LY75: variants seen among roughly 807,000 people sequenced by gnomAD.
LY75 encodes lymphocyte antigen 75.
Under a neutral mutation model 231.7 loss-of-function variants are expected in LY75, and 185 were observed. The ratio of observed to expected loss-of-function variants is 0.80; its 90% CI spans 0.71 to 0.90. The LOEUF is 0.90. LY75 is among the 40% of genes least tolerant of loss of function. LY75 has a pLI of 0.00. For missense variants in LY75, 1,947 were observed against 2,050.2 expected, an observed-to-expected ratio of 0.95 and a Z score of 0.97; for synonymous variants, 668 against 689.0, an observed-to-expected ratio of 0.97 and a Z score of 0.48.
At chr2:159,893,813 T>C (rs553156699) in intron 3 of LY75, 101 bp downstream of exon 3, 2 of 1,415,498 alleles carry the variant, frequency 1.4e-6, no homozygotes, top group South Asian at 1.4e-5. Flanking sequence ...CGGGATAATA[T>C]TTTTGCAGTC....
At position 159,854,939 on chromosome 2, in the gene LY75, C is replaced by A. The variant is rs1301850652; in HGVS notation, c.2384G>T (p.Gly795Val). 6.2e-7 allele frequency: 1 copy of A among 1,613,638 alleles called. No homozygotes were observed. The highest frequency in any genetic ancestry group is 1.1e-5 in the South Asian group (1 of 91,086). ...CCAGTCTGGTGTTTTTGGAGTACGG[C>A]CTGTATGAGGAAGAAAGCAAGTGGC... Reference protein sequence around the residue: ...KLEWVCQIPKGRTPKTPDWYN... With the variant: ...KLEWVCQIPKVRTPKTPDWYN... The change falls in exon 17 of 35, where the codon GGC (glycine) becomes GTC (valine). Residue 795 changes from glycine (G) to valine (V), a missense_variant and splice_region_variant. By Grantham distance (109) the Gly-to-Val change is moderately radical. Transcript: ENST00000263636.
chr2:159,840,937 G>T lies in LY75; in HGVS notation c.3299C>A (p.Thr1100Lys). ...TACAGTTTCTGAAGCATTCTGCAAC[G>T]TCTGTCTGCTTTTAACTTCTGCATG... ...QKYSEVKSRQ[T>K]LQNASETVKY... The change falls in exon 25 of 35, where the codon ACG becomes AAG. Residue 1100 changes from threonine to lysine, a missense_variant. Coordinates refer to ENST00000263636, the MANE Select transcript of LY75 (RefSeq NM_002349.4). 3.7e-6 allele frequency: 6 copies of T among 1,613,682 alleles called. No homozygotes were observed. Among genetic ancestry groups the T allele is most frequent in the Non-Finnish European group, 5.1e-6 (6 of 1,179,924 alleles).
chr2:159,852,869 T>C (rs1278415538), intron 20 of LY75, among the ~76,000 whole-genome samples: 1 of 152,184 alleles, frequency 6.6e-6, no homozygotes, highest in Non-Finnish European at 1.5e-5. Flanking sequence ...ACCAATACTG[T>C]CTATGAAACA....
At chr2:159,811,225 A>G (rs1297907351) in intron 31 of LY75, among the ~76,000 whole-genome samples, 1 of 152,112 alleles carries the variant, frequency 6.6e-6, no homozygotes, top group Non-Finnish European at 1.5e-5. Context: ...AGTTTTACTT[A>G]GTCATAAGAA....
chr2:159,839,906 T>C (rs1683951171), intron 25 of LY75, among the ~76,000 whole-genome samples: 1 of 148,842 alleles, frequency 6.7e-6, no homozygotes, highest in African/African-American at 2.5e-5. Flanking sequence ...CTGAGGAGGC[T>C]GAAGCATGAG....
chr2:159,816,891 A>T lies in LY75; in HGVS notation c.4295T>A (p.Val1432Asp), dbSNP rs746792746. ...AAAGAGCTGGCCATTTTGGTTGTGAACGCTTGCCAAGTGACCTCCACTTTG... is the reference window on the plus strand; with the variant it reads ...AAAGAGCTGGCCATTTTGGTTGTGATCGCTTGCCAAGTGACCTCCACTTTG... ...CSQSGGHLAS[V>D]HNQNGQLFLE... The change falls in exon 30 of 35, where the codon GTT becomes GAT. Residue 1432 changes from valine to aspartate, a missense_variant. Physicochemically the swap from Val to Asp is radical, Grantham distance 152 (BLOSUM62 -3). Transcript: ENST00000263636. 31 of 1,614,080 alleles carry T rather than the reference A, an allele frequency of 1.9e-5. No homozygotes were observed. The highest frequency in any genetic ancestry group is 2.4e-5 in the Non-Finnish European group (28 of 1,180,030).
intron 13 of LY75, 56 bp from the exon 14 acceptor site, chr2:159,864,976 C>T (rs1473528769): frequency 1.0e-5 from 15 of 1,505,446 alleles, no homozygotes; most frequent in Non-Finnish European, 1.3e-5. Context: ...AAATATTTAG[C>T]ACTCACATGT....
chr2:159,814,689 A>C (rs546979080), intron 31 of LY75, among the ~76,000 whole-genome samples: 4 of 151,242 alleles, frequency 2.6e-5, no homozygotes, highest in African/African-American at 9.7e-5. Flanking sequence ...ATAAGAAAAG[A>C]AAAAAGAAAA....
intron 2 of LY75, among the ~76,000 whole-genome samples, chr2:159,894,381 G>T (rs868141847): frequency 1.3e-5 from 2 of 152,200 alleles, no homozygotes; most frequent in African/African-American, 4.8e-5. Context: ...GTGTGATGAG[G>T]CGCTGAAAGA....
intron 5 of LY75, 48 bp downstream of exon 5, chr2:159,886,372 T>C: frequency 6.7e-7 from 1 of 1,498,878 alleles, no homozygotes; most frequent in South Asian, 1.3e-5. Flanking sequence ...AGCTTTTGCT[T>C]TTTTGAAGAT....
intron 31 of LY75, 48 bp downstream of exon 31, chr2:159,815,357 T>C (rs1299275697): frequency 1.3e-6 from 2 of 1,543,002 alleles, no homozygotes; most frequent in South Asian, 2.5e-5. Context: ...TGTGCATAAA[T>C]TATGTCACAT....
intron 17 of LY75, 138 bp downstream of exon 17, chr2:159,854,766 C>T (rs987515523): frequency 7.6e-6 from 10 of 1,308,864 alleles, no homozygotes; most frequent in Admixed American, 2.2e-5. Flanking sequence ...CCATACCAGT[C>T]GCTCACCTTC....
intron 25 of LY75, among the ~76,000 whole-genome samples, chr2:159,839,559 C>T (rs994766511): frequency 7.9e-5 from 12 of 152,008 alleles, no homozygotes; most frequent in African/African-American, 2.9e-4. Flanking sequence ...CTTAATTTTA[C>T]TTTGCTGAAT....
At position 159,879,139 on chromosome 2, in the gene LY75, T is replaced by G. The variant is rs1685360990; in HGVS notation, c.1515+120A>C. On this transcript the variant is annotated intron_variant, in intron 9 of 34. Coordinates refer to ENST00000263636, the MANE Select transcript of LY75 (RefSeq NM_002349.4). ...GCCTTCTGGCTTGTTCTAACTTAAA[T>G]GAACAGAAGCTAGTAGTTTCCTCTA... 4.3e-6 allele frequency: 5 copies of G among 1,157,592 alleles called. No homozygotes were observed. The Admixed American group carries it at 9.0e-5, about 21-fold the overall frequency. The allele number at this position is 1,157,592 out of a possible 1,614,324, so 71.7% of individuals were successfully genotyped here. A position where few individuals can be genotyped will look rare whatever the true frequency, so the allele number is the denominator to read the frequency against.
chr2:159,850,791 T>TATATATAAAAAA (rs1553805730), intron 21 of LY75, among the ~76,000 whole-genome samples: 1 of 94,510 alleles, frequency 1.1e-5, no homozygotes, highest in African/African-American at 4.0e-5. Context: ...TATATATATA[T>TATATATAAAAAA]ATATATATTA....
intron 28 of LY75, among the ~76,000 whole-genome samples, chr2:159,826,280 G>A (rs944588482): frequency 6.6e-6 from 1 of 152,092 alleles, no homozygotes; most frequent in Non-Finnish European, 1.5e-5. Flanking sequence ...AAATCAATGT[G>A]CAAAAATCAC....
rs779109420 is a variant in LY75 at position 159,842,357 on chromosome 2, A to T, written c.3168T>A (p.Ser1056=). The T allele has an allele frequency of 7.6e-5, 122 of 1,610,192 alleles. 1 individual carries two copies. In the South Asian group the frequency reaches 1.3e-3, roughly 17 times the overall value. The change falls in exon 24 of 35, where the codon TCT becomes TCA. Residue 1056 remains serine (S), a synonymous_variant. Transcript: ENST00000263636. ...TGAGTATTAGGGCACAGTGGTAGCG[A>T]GACTCTTCCTCAAAAAACTAAACAA... ...RIPENFFEEE[S]RYHCALILNL...
Position 159,874,623 on chromosome 2 carries a change from T to TAA in LY75, c.1974+820_1974+821insTT, listed in dbSNP as rs1377713337. 2.5e-4 allele frequency among the ~76,000 whole-genome samples: 11 copies of TAA among 44,788 alleles called. 1 individual carries two copies. Among genetic ancestry groups the TAA allele is most frequent in the East Asian group, 5.6e-4 (1 of 1,770 alleles). 29.4% of individuals were successfully genotyped at this position (44,788 alleles called of 152,430 possible). On this transcript the variant is annotated intron_variant, in intron 12 of 34. Transcript: ENST00000263636. ...AATATATATATTTTGTAAATATATA[T>TAA]ATAGTAAATATATGTAAATATATAT...
intron 28 of LY75, among the ~76,000 whole-genome samples, chr2:159,821,136 C>T (rs1031533307): frequency 6.6e-6 from 1 of 151,638 alleles, no homozygotes; most frequent in Admixed American, 6.6e-5. Context: ...CCGTGCCTGG[C>T]CAGTCAATTG....
Sources: gnomAD v4.1 joint callset for allele counts (sites outside exome capture counted in the v4.1 genomes callset) on GRCh38, gnomAD v4.1.1 for gene constraint, MANE v1.5 for transcripts, NCBI Gene and HGNC (gene_info 2026-07-23, HGNC 2026-07-21) for gene names.